The following TRRAP variants were observed in gnomAD, a reference collection of about 807,000 sequenced individuals.
TRRAP encodes the protein transformation/transcription domain associated protein.
Under a neutral mutation model 438.8 loss-of-function variants are expected in TRRAP, and 41 were observed. That is an observed-to-expected ratio of 0.09 (90% CI 0.07 to 0.12). TRRAP has a LOEUF of 0.12. Ranked by LOEUF, TRRAP falls within the 10% of genes least tolerant of loss-of-function variation. The pLI is 1.00. For synonymous variants in TRRAP, 1,994 were observed against 1,962.9 expected (o/e 1.02, Z -0.42); for missense variants, 3,122 against 5,055.1 (o/e 0.62, Z 11.60).
chr7:98,958,309 G>C (rs1433441236), intron 44 of TRRAP, among the ~76,000 whole-genome samples: 2 of 146,858 alleles, frequency 1.4e-5, no homozygotes, highest in African/African-American at 5.0e-5. Flanking sequence ...AATTTTTTTG[G>C]TTTTTTTTTT....
At chr7:98,942,912 CT>C in intron 30 of TRRAP, 36 bp from the exon 31 acceptor site, 1 of 1,612,496 alleles carries the variant, frequency 6.2e-7, no homozygotes, top group Non-Finnish European at 8.5e-7. Context: ...AATGCACCTA[CT>C]GTGAAGTTGT....
chr7:99,010,831 A>G (rs1475770767), intron 70 of TRRAP, among the ~76,000 whole-genome samples: 1 of 152,200 alleles, frequency 6.6e-6, no homozygotes, highest in Non-Finnish European at 1.5e-5. Flanking sequence ...GACCAGCCGC[A>G]TTGGTGCTTT....
At chr7:98,959,849 G>A (rs142469988) in intron 45 of TRRAP, among the ~76,000 whole-genome samples, 223 of 150,824 alleles carry the variant, frequency 1.5e-3, no homozygotes, top group Non-Finnish European at 2.8e-3. Context: ...AGGGTTGGCT[G>A]AACCTGGGAG....
chr7:99,012,061 C>T lies in TRRAP; in HGVS notation c.11338-10C>T, dbSNP rs1794454822. On this transcript the variant is annotated splice_polypyrimidine_tract_variant and intron_variant, in intron 72 of 72. Coordinates refer to ENST00000456197, the MANE Select transcript of TRRAP (RefSeq NM_001375524.1). This position sits in a 1 kb window ranked among gnomAD's most constrained non-coding sequence, Gnocchi z 5.9. ...TAAACACAAGTCGTCTCGTTCTCTC[C>T]CTCACGCAGGTGGATGGCATTCTGA... 6.2e-7 allele frequency: 1 copy of T among 1,612,006 alleles called. No homozygotes were observed. Among genetic ancestry groups the T allele is most frequent in the African/African-American group, 1.3e-5 (1 of 74,902 alleles).
chr7:98,892,216 C>T (rs1367294733), intron 4 of TRRAP, among the ~76,000 whole-genome samples: 2 of 152,138 alleles, frequency 1.3e-5, no homozygotes, highest in African/African-American at 4.8e-5. Flanking sequence ...TGTAGAAATA[C>T]TGAAAATGAT....
rs1554414596 is a variant in TRRAP at position 98,937,747 on chromosome 7, T to C, written c.4331T>C (p.Val1444Ala). 6.2e-7 allele frequency: 1 copy of C among 1,613,948 alleles called. No homozygotes were observed. Among genetic ancestry groups the C allele is most frequent in the Non-Finnish European group, 8.5e-7 (1 of 1,179,950 alleles). ...GATTACCGGAGCTTGACGCTGAATGTTGTGAATCGCCTGACTTCGGTCACG... is the reference window on the plus strand; with the variant it reads ...GATTACCGGAGCTTGACGCTGAATGCTGTGAATCGCCTGACTTCGGTCACG... ...LGDYRSLTLN[V>A]VNRLTSVTRL... is the part of the protein sequence containing the mutation. Residue 1444 changes from valine to alanine, a missense_variant, in exon 30 of 73, where the codon GTT becomes GCT. By Grantham distance (64) the Val-to-Ala change is moderately conservative. Coordinates refer to ENST00000456197, the MANE Select transcript of TRRAP (RefSeq NM_001375524.1).
intron 51 of TRRAP, among the ~76,000 whole-genome samples, chr7:98,969,609 C>T (rs764478761): frequency 1.2e-4 from 18 of 152,300 alleles, no homozygotes; most frequent in Middle Eastern, 3.4e-3. Context: ...AGCTTGTGCA[C>T]GGCCTGTGGG....
chr7:98,961,593 T>C (rs1791894614), intron 46 of TRRAP, 119 bp downstream of exon 46: 2 of 1,239,414 alleles, frequency 1.6e-6, no homozygotes, highest in Non-Finnish European at 2.2e-6. Context: ...CTTTCCTTTC[T>C]ACTTGCAAAC....
rs1023497173 is a variant in TRRAP, at chr7:98,994,349, C to T, written c.10048-238C>T. 2.6e-5 allele frequency among the ~76,000 whole-genome samples: 4 copies of T among 152,158 alleles called. No homozygotes were observed. The highest frequency in any genetic ancestry group is 5.9e-5 in the Non-Finnish European group (4 of 68,016). On this transcript the variant is annotated intron_variant, in intron 66 of 72. Coordinates refer to ENST00000456197, the MANE Select transcript of TRRAP (RefSeq NM_001375524.1). This position sits in a 1 kb window ranked among gnomAD's most constrained non-coding sequence, Gnocchi z 4.8. ...CAAAAAAGTGGGGCTTTTCTGTTTT[C>T]GCTTTTTGAATGTTCAGGTCCCTTA...
In TRRAP at chr7:98,910,050, C is replaced by T. The variant is rs782179251; in HGVS notation, c.1351-6C>T. 1.4e-5 allele frequency: 22 copies of T among 1,539,606 alleles called. No homozygotes were observed. Among genetic ancestry groups the T allele is most frequent in the African/African-American group, 4.1e-5 (3 of 72,886 alleles). On this transcript the variant is annotated splice_region_variant and splice_polypyrimidine_tract_variant and intron_variant, in intron 14 of 72. Coordinates refer to ENST00000456197, the MANE Select transcript of TRRAP (RefSeq NM_001375524.1). ...GTCTTCCCTCTTGAATTTCTCTTCCCGTTAGGTTTTCGTTCTCAAATTCCA... is the reference window on the plus strand; with the variant it reads ...GTCTTCCCTCTTGAATTTCTCTTCCTGTTAGGTTTTCGTTCTCAAATTCCA...
chr7:98,958,100 T>A lies in TRRAP; in HGVS notation c.6342+9T>A. The A allele has an allele frequency of 6.2e-7, 1 of 1,612,876 alleles. No homozygotes were observed. The highest frequency in any genetic ancestry group is 8.5e-7 in the Non-Finnish European group (1 of 1,179,294). ...TCCGCGTGGCCTGTCAGGTACGGGA[T>A]CCAAGTGCCCTGCGTTAGGGCTTCT... is the stretch of plus-strand genomic sequence containing the variant. On this transcript the variant is annotated intron_variant, in intron 44 of 72. Coordinates refer to ENST00000456197, the MANE Select transcript of TRRAP (RefSeq NM_001375524.1).
intron 46 of TRRAP, among the ~76,000 whole-genome samples, chr7:98,961,790 G>A (rs1008118760): frequency 5.3e-5 from 8 of 152,164 alleles, no homozygotes; most frequent in African/African-American, 9.6e-5. Context: ...GTGGTGGCAC[G>A]CACCTGTAAT....
chr7:98,989,005 G>A (rs776282852), intron 63 of TRRAP, 39 bp downstream of exon 63: 2 of 1,586,004 alleles, frequency 1.3e-6, no homozygotes, highest in South Asian at 2.3e-5. Flanking sequence ...GAGGCCATCT[G>A]TCACCTTCAG....
intron 1 of TRRAP, among the ~76,000 whole-genome samples, chr7:98,880,426 G>A (rs1302484237): frequency 6.6e-6 from 1 of 151,930 alleles, no homozygotes; most frequent in East Asian, 1.9e-4. Flanking sequence ...ACCACGCCTG[G>A]CTAATTTTTG....
At chr7:98,909,826 C>G (rs1422743344) in intron 14 of TRRAP, among the ~76,000 whole-genome samples, 1 of 152,096 alleles carries the variant, frequency 6.6e-6, no homozygotes, top group Non-Finnish European at 1.5e-5. Flanking sequence ...AGGAGGTGCC[C>G]AGATGTTACC....
Position 98,994,997 on chromosome 7 carries a change from G to A in TRRAP, c.10309+149G>A. ...CTCTGTTTACAGTGCAGACTTCAGA[G>A]TGCATAGCTGAGACCACATGTTTTT... On this transcript the variant is annotated intron_variant, in intron 67 of 72. Transcript: ENST00000456197. This position sits in a 1 kb window ranked among gnomAD's most constrained non-coding sequence, Gnocchi z 4.8. The A allele has an allele frequency of 8.3e-7, 1 of 1,199,400 alleles. No individual in the cohort carries two copies. Among genetic ancestry groups the A allele is most frequent in the South Asian group, 1.6e-5 (1 of 64,182 alleles). The allele number at this position is 1,199,400 out of a possible 1,614,324, so 74.3% of individuals were successfully genotyped here. A position where few individuals can be genotyped will look rare whatever the true frequency, so the allele number is the denominator to read the frequency against.
intron 65 of TRRAP, among the ~76,000 whole-genome samples, chr7:98,992,587 GTT>G (rs61676337): frequency 0.03 from 4,442 of 150,382 alleles, 217 homozygotes; most frequent in African/African-American, 0.1. Flanking sequence ...GTGTGTGTGT[GTT>G]TAAGTTATGA....
At chr7:98,935,738 G>GAA in intron 28 of TRRAP, 63 bp downstream of exon 28, 8 of 1,313,602 alleles carry the variant, frequency 6.1e-6, no homozygotes, top group South Asian at 5.1e-5. Flanking sequence ...GAGGTCTATA[G>GAA]AAAAAAAAAG....
In TRRAP at chr7:98,959,512, G is replaced by A. The variant is rs761329284; in HGVS notation, c.6489+22G>A. 68 of 1,607,546 alleles carry A rather than the reference G, an allele frequency of 4.2e-5. 3 individuals are homozygous for A. In the Middle Eastern group the frequency reaches 3.0e-3, roughly 71 times the overall value. On this transcript the variant is annotated intron_variant, in intron 45 of 72. Transcript: ENST00000456197. ...TGTGGTGAGTGCGAGTGTCTGAAGG[G>A]CCAGGGCAGCGCCACCGAGGCCACT...
Sources: allele counts gnomAD v4.1 joint callset (sites outside exome capture counted in the v4.1 genomes callset), GRCh38; gene constraint gnomAD v4.1.1; non-coding constraint Gnocchi (gnomAD v3.1); transcripts MANE v1.5; gene names NCBI Gene and HGNC (gene_info 2026-07-23, HGNC 2026-07-21).